Variants in POU6F2 observed in about 807,000 individuals in gnomAD.
POU6F2 encodes the protein POU domain, class 6, transcription factor 2.
POU6F2 carries 31 observed loss-of-function variants against 71.3 expected under a neutral mutation model. The observed-to-expected ratio is 0.43, with a 90% CI of 0.33 to 0.59. The LOEUF (loss-of-function observed/expected upper bound fraction) is 0.59, where lower values mean the gene tolerates loss of function less well. Ranked by LOEUF, POU6F2 falls within the 20% of genes least tolerant of loss-of-function variation. The pLI is 0.04. For synonymous variants in POU6F2, 347 were observed against 355.7 expected, an observed-to-expected ratio of 0.98 and a Z score of 0.27; for missense variants, 783 against 856.8, an observed-to-expected ratio of 0.91 and a Z score of 1.07.
intron 4 of POU6F2, among the ~76,000 whole-genome samples, chr7:39,227,017 C>G (rs1794473060): frequency 6.6e-6 from 1 of 152,132 alleles, no homozygotes; most frequent in Non-Finnish European, 1.5e-5. Context: ...AATGTAAATA[C>G]TTTGACCTTG....
chr7:39,398,760 A>G (rs1787233599), intron 5 of POU6F2, among the ~76,000 whole-genome samples: 1 of 152,240 alleles, frequency 6.6e-6, no homozygotes, highest in Non-Finnish European at 1.5e-5. Flanking sequence ...TAAAACAGCA[A>G]TATGACCAGA....
At chr7:39,366,314 A>G (rs1786500107) in intron 5 of POU6F2, among the ~76,000 whole-genome samples, 1 of 152,178 alleles carries the variant, frequency 6.6e-6, no homozygotes, top group African/African-American at 2.4e-5. Context: ...GAGAAGGGCA[A>G]AGAACTGGGA....
intron 1 of POU6F2, among the ~76,000 whole-genome samples, chr7:39,015,700 T>TATATAGATATATAAAATATAGATATA (rs765518595): frequency 1.2e-5 from 1 of 84,486 alleles, no homozygotes; most frequent in African/African-American, 4.7e-5. Flanking sequence ...CTATATATTA[T>TATATAGATATATAAAATATAGATATA]ATATATCTAT....
chr7:39,190,552 T>C lies in POU6F2; in HGVS notation c.278-13683T>C, dbSNP rs138033637. Among the ~76,000 whole-genome samples, 6 of 150,596 alleles carry C rather than the reference T, an allele frequency of 4.0e-5. No homozygotes were observed. The East Asian group carries it at 1.2e-3, about 29-fold the overall frequency. Reference sequence around the variant, plus strand: ...GATCACAGATGCAGAATTTTCTAGATAGAATATTGCCAGATTCTAGGCTGA... The same window carrying C: ...GATCACAGATGCAGAATTTTCTAGACAGAATATTGCCAGATTCTAGGCTGA... On this transcript the variant is annotated intron_variant, in intron 2 of 9. Transcript: ENST00000518318.
intron 2 of POU6F2, among the ~76,000 whole-genome samples, chr7:39,139,742 C>T (rs1487094676): frequency 1.3e-5 from 2 of 152,152 alleles, no homozygotes; most frequent in African/African-American, 2.4e-5. Context: ...TCCACATGGC[C>T]TCTAAATCCA....
Position 39,464,160 on chromosome 7 carries a change from C to CT in POU6F2, c.1659-19dup. ...GCAGAGGACTCAGTGTAAGACTGTT[C>CT]TTTCTCAATTTTCCCCCCCAGACAC... On this transcript the variant is annotated intron_variant, in intron 9 of 9. Transcript: ENST00000518318. The surrounding 1 kb of genome is among the most constrained non-coding windows in gnomAD (Gnocchi z 4.1). The CT allele has an allele frequency of 6.2e-7, 1 of 1,608,946 alleles. No homozygotes were observed. The highest frequency in any genetic ancestry group is 1.1e-5 in the South Asian group (1 of 90,260).
intron 2 of POU6F2, among the ~76,000 whole-genome samples, chr7:39,099,433 C>T (rs1791524433): frequency 6.6e-6 from 1 of 152,216 alleles, no homozygotes; most frequent in African/African-American, 2.4e-5. Context: ...ATCTCTCTGC[C>T]TTGACCACAC....
intron 9 of POU6F2, among the ~76,000 whole-genome samples, chr7:39,461,412 G>A (rs1279587828): frequency 6.6e-6 from 1 of 152,176 alleles, no homozygotes; most frequent in East Asian, 1.9e-4. Context: ...GCATGCATGT[G>A]TGTGTTGCAC....
intron 2 of POU6F2, among the ~76,000 whole-genome samples, chr7:39,091,792 AC>A (rs1166528150): frequency 1.3e-5 from 2 of 152,214 alleles, no homozygotes; most frequent in African/African-American, 4.8e-5. Flanking sequence ...TTGACCAAAT[AC>A]GTTTTTCTCC....
intron 4 of POU6F2, among the ~76,000 whole-genome samples, chr7:39,247,663 T>C (rs1412028256): frequency 6.6e-6 from 1 of 152,120 alleles, no homozygotes; most frequent in Non-Finnish European, 1.5e-5. Flanking sequence ...AGCCCATTCA[T>C]TGATATATGG....
intron 5 of POU6F2, among the ~76,000 whole-genome samples, chr7:39,360,421 A>G (rs954164422): frequency 3.3e-5 from 5 of 152,258 alleles, no homozygotes; most frequent in African/African-American, 1.2e-4. Context: ...TTAATGTAAA[A>G]TAAACGATTT....
At chr7:39,451,897 G>C (rs907852256) in intron 8 of POU6F2, among the ~76,000 whole-genome samples, 196 bp downstream of exon 8, 2 of 152,188 alleles carry the variant, frequency 1.3e-5, no homozygotes, top group Non-Finnish European at 2.9e-5. Flanking sequence ...TAGGGAAGCA[G>C]GTCCCCAAAG....
At chr7:39,236,673 A>G (rs144065105) in intron 4 of POU6F2, among the ~76,000 whole-genome samples, 103 of 152,320 alleles carry the variant, frequency 6.8e-4, no homozygotes, top group African/African-American at 2.4e-3. Flanking sequence ...TGATAAGCGT[A>G]TAAGTAGCAT....
chr7:39,124,531 G>A lies in POU6F2; in HGVS notation c.277+38500G>A, dbSNP rs112659276. On this transcript the variant is annotated intron_variant, in intron 2 of 9. Transcript: ENST00000518318. Reference sequence around the variant, plus strand: ...AGCTGTTTTCGCTTAGGTGACAAGAGTAGTTTCTGAGATGTATGGAAGTAT... The same window carrying A: ...AGCTGTTTTCGCTTAGGTGACAAGAATAGTTTCTGAGATGTATGGAAGTAT... 6.8e-3 allele frequency among the ~76,000 whole-genome samples: 1,040 copies of A among 152,314 alleles called. 8 individuals carry two copies. The highest frequency in any genetic ancestry group is 0.011 in the Non-Finnish European group (728 of 68,034).
intron 1 of POU6F2, among the ~76,000 whole-genome samples, chr7:39,011,028 T>C (rs961054692): frequency 7.3e-6 from 1 of 137,350 alleles, no homozygotes; most frequent in Non-Finnish European, 1.6e-5. Flanking sequence ...GTTCTGTAGA[T>C]GTCTATTAGG....
chr7:39,087,712 A>G (rs1247739220), intron 2 of POU6F2, among the ~76,000 whole-genome samples: 2 of 152,174 alleles, frequency 1.3e-5, no homozygotes, highest in Non-Finnish European at 2.9e-5. Flanking sequence ...TACAGATAAT[A>G]CATTTTTGTT....
intron 2 of POU6F2, among the ~76,000 whole-genome samples, chr7:39,133,935 C>T (rs964997732): frequency 1.3e-5 from 2 of 152,128 alleles, no homozygotes; most frequent in African/African-American, 4.8e-5. Flanking sequence ...AGTACAGTGG[C>T]ATGATCATGG....
At chr7:39,284,712 A>G (rs960085129) in intron 4 of POU6F2, among the ~76,000 whole-genome samples, 2 of 152,214 alleles carry the variant, frequency 1.3e-5, no homozygotes, top group Admixed American at 1.3e-4. Flanking sequence ...TGTGTTTGCC[A>G]TTAAAATCAT....
At chr7:39,123,160 A>G (rs185357736) in intron 2 of POU6F2, among the ~76,000 whole-genome samples, 39 of 152,356 alleles carry the variant, frequency 2.6e-4, no homozygotes, top group South Asian at 4.1e-4. Context: ...TGATTGACAA[A>G]TATAGTAGGT....
Sources: allele counts gnomAD v4.1 joint callset (sites outside exome capture counted in the v4.1 genomes callset), GRCh38; gene constraint gnomAD v4.1.1; non-coding constraint Gnocchi (gnomAD v3.1); transcripts MANE v1.5; gene names NCBI Gene and HGNC (gene_info 2026-07-23, HGNC 2026-07-21).